ITGA8: variants seen among roughly 807,000 people sequenced by gnomAD.
The protein encoded by ITGA8 is integrin subunit alpha 8.
In ITGA8, 91 loss-of-function variants were observed where a neutral mutation model predicts 142.3. That is an observed-to-expected ratio of 0.64 (90% CI 0.54 to 0.76). The LOEUF (loss-of-function observed/expected upper bound fraction) is 0.76. Among genes scored for constraint, ITGA8 ranks in the 30% least tolerant of loss-of-function variants. The pLI, the probability that ITGA8 is intolerant of heterozygous loss-of-function variation, is 0.00. For synonymous variants in ITGA8, 505 were observed against 485.2 expected (o/e 1.04, Z -0.54); for missense variants, 1,406 against 1,327.7 (o/e 1.06, Z -0.92).
chr10:15,625,192 T>A (rs1833559731), intron 13 of ITGA8, among the ~76,000 whole-genome samples: 1 of 152,226 alleles, frequency 6.6e-6, no homozygotes, highest in South Asian at 2.1e-4. Flanking sequence ...GAACATGGTA[T>A]TAGGTTGCAA....
rs1158839520 is a variant in ITGA8 at position 15,532,922 on chromosome 10, T to C, written c.2881-1771A>G. 3.9e-5 allele frequency among the ~76,000 whole-genome samples: 6 copies of C among 152,358 alleles called. No homozygotes were observed. In the East Asian group the frequency reaches 5.8e-4, roughly 15 times the overall value. On this transcript the variant is annotated intron_variant, in intron 27 of 29. Coordinates refer to ENST00000378076, the MANE Select transcript of ITGA8 (RefSeq NM_003638.3). ...TGCTCAGGATGTGATTTATGTCTAC[T>C]GTATCTGTAAGAGGAAACACTACAT...
chr10:15,690,912 C>T (rs1348673654), intron 2 of ITGA8, among the ~76,000 whole-genome samples: 1 of 151,990 alleles, frequency 6.6e-6, no homozygotes, highest in Non-Finnish European at 1.5e-5. Flanking sequence ...AGTGAAGAGG[C>T]AACCTATGAA....
intron 27 of ITGA8, among the ~76,000 whole-genome samples, chr10:15,532,583 G>C (rs922026564): frequency 6.6e-6 from 1 of 152,030 alleles, no homozygotes. Context: ...CATATTAACT[G>C]TTGATAAAAG....
chr10:15,690,009 G>A (rs374208180), intron 2 of ITGA8, among the ~76,000 whole-genome samples: 1 of 152,194 alleles, frequency 6.6e-6, no homozygotes, highest in African/African-American at 2.4e-5. Flanking sequence ...TGGTGCAGAG[G>A]GGCAGCTGTG....
intron 2 of ITGA8, among the ~76,000 whole-genome samples, chr10:15,703,882 A>C (rs1388994033): frequency 6.6e-6 from 1 of 152,052 alleles, no homozygotes; most frequent in African/African-American, 2.4e-5. Context: ...CAAGCACATG[A>C]GTCCTTATTT....
intron 25 of ITGA8, 90 bp from the exon 26 acceptor site, chr10:15,558,292 T>C: frequency 6.8e-7 from 1 of 1,480,782 alleles, no homozygotes; most frequent in South Asian, 1.3e-5. Flanking sequence ...AATTTTTTTT[T>C]CTCAGTGGAA....
intron 25 of ITGA8, among the ~76,000 whole-genome samples, chr10:15,561,224 T>C (rs1339652914): frequency 4.6e-5 from 5 of 109,378 alleles, no homozygotes; most frequent in Admixed American, 1.8e-4. Context: ...TATATATATA[T>C]ATATATATAT....
At chr10:15,575,772 A>T (rs1253034512) in intron 23 of ITGA8, among the ~76,000 whole-genome samples, 178 bp from the exon 24 acceptor site, 1 of 152,232 alleles carries the variant, frequency 6.6e-6, no homozygotes. Context: ...GTGACAGTGA[A>T]GGATCTGAAA....
chr10:15,546,374 A>G (rs750172793), intron 27 of ITGA8, among the ~76,000 whole-genome samples: 80 of 152,224 alleles, frequency 5.3e-4, no homozygotes, highest in Non-Finnish European at 9.4e-4. Flanking sequence ...TCCTCCCTAC[A>G]TATTTGTTGA....
chr10:15,565,573 A>ATTTTTTTTTTTTT lies in ITGA8; in HGVS notation c.2637+6625_2637+6637dup, dbSNP rs71374633. On this transcript the variant is annotated intron_variant, in intron 25 of 29. Coordinates refer to ENST00000378076, the MANE Select transcript of ITGA8 (RefSeq NM_003638.3). ...ATAATCTTCTTCCTTTCATGTCCTG[A>ATTTTTTTTTTTTT]TTTTTTTTTTTTTTTTTTTTTTTTT... 2.2e-3 allele frequency among the ~76,000 whole-genome samples: 78 copies of ATTTTTTTTTTTTT among 34,784 alleles called. 6 individuals are homozygous for ATTTTTTTTTTTTT. Among genetic ancestry groups the ATTTTTTTTTTTTT allele is most frequent in the Non-Finnish European group, 3.0e-3 (60 of 19,700 alleles). 22.8% of individuals were successfully genotyped at this position (34,784 alleles called of 152,430 possible). A position where few individuals can be genotyped will look rare whatever the true frequency, so the allele number is the denominator to read the frequency against.
intron 28 of ITGA8, among the ~76,000 whole-genome samples, chr10:15,522,722 T>C (rs1015565378): frequency 3.3e-5 from 5 of 152,198 alleles, no homozygotes; most frequent in African/African-American, 1.2e-4. Context: ...ACCTAATTAA[T>C]ATCTTAAGGC....
At chr10:15,581,755 A>T (rs1273637255) in intron 23 of ITGA8, among the ~76,000 whole-genome samples, 3 of 152,166 alleles carry the variant, frequency 2.0e-5, no homozygotes, top group Non-Finnish European at 4.4e-5. Context: ...CTCAGGATAC[A>T]CTCCTACATT....
At chr10:15,570,025 T>A (rs1834149535) in intron 25 of ITGA8, among the ~76,000 whole-genome samples, 1 of 152,240 alleles carries the variant, frequency 6.6e-6, no homozygotes, top group South Asian at 2.1e-4. Flanking sequence ...TGTTTTTTAA[T>A]GTCTATTAAT....
At chr10:15,541,141 T>C (rs1034051613) in intron 27 of ITGA8, among the ~76,000 whole-genome samples, 1 of 152,194 alleles carries the variant, frequency 6.6e-6, no homozygotes, top group Non-Finnish European at 1.5e-5. Context: ...TTAGCCCTGC[T>C]CCTCAGGCAG....
rs5783452 is a variant in ITGA8 at position 15,589,764 on chromosome 10, A to ATTTTT, written c.2291+2456_2291+2460dup. On this transcript the variant is annotated intron_variant, in intron 22 of 29. Coordinates refer to ENST00000378076, the MANE Select transcript of ITGA8 (RefSeq NM_003638.3). The stretch of plus-strand genomic sequence containing the variant: ...TTACAGTGTTTTACTCAAACGCTGT[A>ATTTTT]TTTTTTTTTTTTTTTTGAGATGGGG... Among the ~76,000 whole-genome samples, 468 of 137,602 alleles carry ATTTTT rather than the reference A, an allele frequency of 3.4e-3. 10 individuals are homozygous for ATTTTT. Among genetic ancestry groups the ATTTTT allele is most frequent in the African/African-American group, 0.012 (454 of 36,474 alleles). The allele number at this position is 137,602 out of a possible 152,430, so 90.3% of individuals were successfully genotyped here.
At chr10:15,668,808 T>G (rs534986448) in intron 8 of ITGA8, among the ~76,000 whole-genome samples, 4 of 152,288 alleles carry the variant, frequency 2.6e-5, no homozygotes, top group African/African-American at 4.8e-5. Context: ...TGAGATTCTG[T>G]GTTGAAAATT....
chr10:15,569,617 C>T (rs1379748295), intron 25 of ITGA8, among the ~76,000 whole-genome samples: 5 of 152,146 alleles, frequency 3.3e-5, no homozygotes, highest in Non-Finnish European at 5.9e-5. Context: ...TGAAGTCTTG[C>T]TATGTTGCCC....
At chr10:15,661,052 C>A in intron 8 of ITGA8, 130 bp from the exon 9 acceptor site, 1 of 791,646 alleles carries the variant, frequency 1.3e-6, no homozygotes, top group South Asian at 1.6e-5. Context: ...GCAGGGGTCC[C>A]CAAGCCCCAG....
At chr10:15,526,090 C>T (rs1833168924) in intron 28 of ITGA8, among the ~76,000 whole-genome samples, 2 of 152,262 alleles carry the variant, frequency 1.3e-5, no homozygotes, top group South Asian at 4.1e-4. Context: ...CAAATAGCTA[C>T]CATGTTGGAC....
Sources: gnomAD v4.1 joint callset for allele counts (sites outside exome capture counted in the v4.1 genomes callset) on GRCh38, gnomAD v4.1.1 for gene constraint, MANE v1.5 for transcripts, NCBI Gene and HGNC (gene_info 2026-07-23, HGNC 2026-07-21) for gene names.